EHBP1: variants seen among roughly 807,000 people sequenced by gnomAD.
EHBP1 encodes EH domain-binding protein 1.
EHBP1 carries 55 observed loss-of-function variants against 144.0 expected under a neutral mutation model. The ratio of observed to expected loss-of-function variants is 0.38; its 90% CI spans 0.31 to 0.48. The LOEUF is 0.48. EHBP1 is among the 20% of genes least tolerant of loss of function. EHBP1 has a pLI of 0.98. For synonymous variants in EHBP1, 469 were observed against 472.7 expected (o/e 0.99, Z 0.10); for missense variants, 1,200 against 1,364.2 (o/e 0.88, Z 1.90).
intron 19 of EHBP1, among the ~76,000 whole-genome samples, chr2:63,026,336 G>GTGTC (rs1444059929): frequency 6.7e-6 from 1 of 150,170 alleles, no homozygotes; most frequent in African/African-American, 2.5e-5. Context: ...GTGTGTGTGT[G>GTGTC]TGTGTGTGTC....
chr2:62,677,408 G>C (rs1325127000), intron 1 of EHBP1, among the ~76,000 whole-genome samples: 1 of 152,014 alleles, frequency 6.6e-6, no homozygotes, highest in East Asian at 1.9e-4. Context: ...GGTTACATGA[G>C]ATATTTTGAT....
intron 7 of EHBP1, among the ~76,000 whole-genome samples, chr2:62,841,403 G>A (rs1468185322): frequency 3.3e-5 from 5 of 151,662 alleles, no homozygotes; most frequent in African/African-American, 1.2e-4. Flanking sequence ...TGACGAGTTA[G>A]TGGGTGCAGT....
At chr2:62,874,710 A>G (rs1230322195) in intron 10 of EHBP1, among the ~76,000 whole-genome samples, 178 bp downstream of exon 10, 1 of 152,218 alleles carries the variant, frequency 6.6e-6, no homozygotes, top group Non-Finnish European at 1.5e-5. Context: ...AGTTTACAGT[A>G]CAGTATGGAT....
At chr2:63,010,539 T>C (rs753099215) in intron 19 of EHBP1, among the ~76,000 whole-genome samples, 41 of 151,678 alleles carry the variant, frequency 2.7e-4, no homozygotes, top group Non-Finnish European at 4.9e-4. Context: ...ACCTTACTCA[T>C]GTGGAGTAAA....
At chr2:62,756,768 C>CAAAA (rs34717027) in intron 3 of EHBP1, among the ~76,000 whole-genome samples, 24 of 76,432 alleles carry the variant, frequency 3.1e-4, no homozygotes, top group East Asian at 7.9e-4. Context: ...AACTCTATCT[C>CAAAA]AAAAAAAAAA....
chr2:62,773,377 G>A (rs1394001340), intron 5 of EHBP1, among the ~76,000 whole-genome samples: 1 of 151,988 alleles, frequency 6.6e-6, no homozygotes, highest in Non-Finnish European at 1.5e-5. Context: ...ATGTGTACAG[G>A]ACCCCTACTT....
At chr2:62,763,731 C>G (rs1214356315) in intron 3 of EHBP1, among the ~76,000 whole-genome samples, 1 of 152,076 alleles carries the variant, frequency 6.6e-6, no homozygotes, top group Non-Finnish European at 1.5e-5. Context: ...AAAAAAATAC[C>G]TATAATTATC....
intron 2 of EHBP1, among the ~76,000 whole-genome samples, chr2:62,729,342 A>G (rs923053113): frequency 7.8e-6 from 1 of 128,504 alleles, no homozygotes; most frequent in Non-Finnish European, 1.6e-5. Flanking sequence ...TAATATATAT[A>G]ATATATATAA....
At chr2:62,836,234 T>C (rs1423019498) in intron 7 of EHBP1, among the ~76,000 whole-genome samples, 1 of 152,106 alleles carries the variant, frequency 6.6e-6, no homozygotes, top group East Asian at 1.9e-4. Flanking sequence ...AGGGGCACAC[T>C]GACACCTCAC....
chr2:62,955,309 G>A (rs2057628763), intron 13 of EHBP1, among the ~76,000 whole-genome samples: 1 of 152,122 alleles, frequency 6.6e-6, no homozygotes, highest in African/African-American at 2.4e-5. Flanking sequence ...GTTTTAGACA[G>A]TAAAGATGTA....
At chr2:62,749,389 TG>T (rs2039461523) in intron 3 of EHBP1, among the ~76,000 whole-genome samples, 1 of 152,254 alleles carries the variant, frequency 6.6e-6, no homozygotes, top group South Asian at 2.1e-4. Flanking sequence ...CTATCATTAA[TG>T]GACATTTGGG....
intron 9 of EHBP1, among the ~76,000 whole-genome samples, chr2:62,866,393 C>T (rs1359557188): frequency 3.3e-5 from 5 of 152,152 alleles, no homozygotes; most frequent in Non-Finnish European, 7.3e-5. Flanking sequence ...AAAATCTGAC[C>T]TGACCCATAA....
At chr2:62,864,286 A>G (rs543526245) in intron 8 of EHBP1, among the ~76,000 whole-genome samples, 1 of 152,306 alleles carries the variant, frequency 6.6e-6, no homozygotes, top group Admixed American at 6.5e-5. Context: ...CTGGCACTAC[A>G]GGTGTGCACC....
At chr2:62,965,110 CTG>C (rs1304751183) in intron 14 of EHBP1, 1 of 152,508 alleles carries the variant, frequency 6.6e-6, no homozygotes, top group East Asian at 1.9e-4. Context: ...GCCGCAGAAA[CTG>C]TTTGTGCCAC....
intron 3 of EHBP1, among the ~76,000 whole-genome samples, chr2:62,756,076 C>A (rs541716706): frequency 3.5e-4 from 53 of 151,020 alleles, no homozygotes; most frequent in African/African-American, 1.2e-3. Flanking sequence ...GAGTTTGAGA[C>A]CGGCATGGGC....
chr2:62,772,982 G>A (rs1303117526), intron 5 of EHBP1, among the ~76,000 whole-genome samples: 8 of 152,152 alleles, frequency 5.3e-5, no homozygotes, highest in Non-Finnish European at 1.0e-4. Context: ...GAAGGATTGT[G>A]AAATTGCTAT....
intron 5 of EHBP1, among the ~76,000 whole-genome samples, chr2:62,807,544 G>A (rs548433920): frequency 2.1e-4 from 32 of 151,914 alleles, no homozygotes; most frequent in South Asian, 4.2e-4. Flanking sequence ...GCGAAACTCC[G>A]CCTCAAAAAA....
At chr2:62,729,347 A>G (rs1346897527) in intron 2 of EHBP1, among the ~76,000 whole-genome samples, 61 of 127,980 alleles carry the variant, frequency 4.8e-4, no homozygotes, top group Admixed American at 1.1e-3. Flanking sequence ...TATATAATAT[A>G]TATAATAATA....
At chr2:62,790,083 T>C (rs558652725) in intron 5 of EHBP1, among the ~76,000 whole-genome samples, 62 of 152,318 alleles carry the variant, frequency 4.1e-4, no homozygotes, top group African/African-American at 1.5e-3. Context: ...CAGGTGAATA[T>C]TTATATTTCC....
Sources: gnomAD v4.1 joint callset for allele counts (sites outside exome capture counted in the v4.1 genomes callset) on GRCh38, gnomAD v4.1.1 for gene constraint, MANE v1.5 for transcripts, NCBI Gene and HGNC (gene_info 2026-07-23, HGNC 2026-07-21) for gene names.